Variants in ERC1 observed in about 807,000 individuals in gnomAD.
ERC1 encodes ELKS/RAB6-interacting/CAST family member 1.
Under a neutral mutation model 132.0 loss-of-function variants are expected in ERC1, and 56 were observed. That is an observed-to-expected ratio of 0.42 (90% confidence interval 0.34 to 0.53). The LOEUF (loss-of-function observed/expected upper bound fraction) is 0.53, where lower values mean the gene tolerates loss of function less well. Ranked by LOEUF, ERC1 falls within the 20% of genes least tolerant of loss-of-function variation. The pLI is 0.03. For missense variants in ERC1, 1,202 were observed against 1,349.9 expected (o/e 0.89, Z 1.72); for synonymous variants, 478 against 476.1 (o/e 1.00, Z -0.05).
At chr12:1,290,597 A>T (rs1366871798) in intron 15 of ERC1, among the ~76,000 whole-genome samples, 1 of 152,224 alleles carries the variant, frequency 6.6e-6, no homozygotes, top group African/African-American at 2.4e-5. Context: ...CTGCTAATAC[A>T]TAGTAGATGT....
At chr12:1,041,432 C>T (rs1208231388) in intron 2 of ERC1, among the ~76,000 whole-genome samples, 2 of 152,148 alleles carry the variant, frequency 1.3e-5, no homozygotes, top group South Asian at 2.1e-4. Context: ...GTCTGGAACT[C>T]CTGACCTCAG....
At chr12:1,410,911 TAAAA>T (rs113063057) in intron 17 of ERC1, among the ~76,000 whole-genome samples, 1 of 149,118 alleles carries the variant, frequency 6.7e-6, no homozygotes, top group Non-Finnish European at 1.5e-5. Context: ...ACATGGTGTT[TAAAA>T]AAAAAACTGT....
At chr12:1,464,476 T>C (rs2093702103) in intron 18 of ERC1, among the ~76,000 whole-genome samples, 1 of 150,984 alleles carries the variant, frequency 6.6e-6, no homozygotes, top group Admixed American at 6.6e-5. Context: ...TCAGTTCTCA[T>C]GTACCTTCAG....
At chr12:1,230,943 G>T (rs1594393935) in intron 12 of ERC1, among the ~76,000 whole-genome samples, 1 of 152,068 alleles carries the variant, frequency 6.6e-6, no homozygotes, top group Non-Finnish European at 1.5e-5. Context: ...TTTTCAGCCT[G>T]TGTGTGTCCT....
chr12:1,271,781 A>G lies in ERC1; in HGVS notation c.2619+8616A>G, dbSNP rs190999912. 2.6e-5 allele frequency among the ~76,000 whole-genome samples: 4 copies of G among 152,280 alleles called. No homozygotes were observed. The East Asian group carries it at 7.7e-4, about 29-fold the overall frequency. On this transcript the variant is annotated intron_variant, in intron 14 of 18. Transcript: ENST00000360905. ...CAACCCATTTCATATCTTTACACCA[A>G]TATTTCCTTGATATCTCAACCAGAA... is the stretch of plus-strand genomic sequence containing the variant.
At chr12:1,225,817 C>G (rs1328372753) in intron 12 of ERC1, among the ~76,000 whole-genome samples, 1 of 152,118 alleles carries the variant, frequency 6.6e-6, no homozygotes, top group Admixed American at 6.5e-5. Context: ...TTCACAAATG[C>G]AAGGTGAAAG....
intron 15 of ERC1, among the ~76,000 whole-genome samples, chr12:1,340,073 C>T (rs73038647): frequency 0.37 from 56,936 of 152,052 alleles, 10,908 homozygotes; most frequent in Middle Eastern, 0.41. Flanking sequence ...GCGTGGCCAG[C>T]GTGTGACCGT....
chr12:1,177,303 G>A (rs1953846791), intron 8 of ERC1, among the ~76,000 whole-genome samples: 1 of 152,218 alleles, frequency 6.6e-6, no homozygotes, highest in Admixed American at 6.5e-5. Flanking sequence ...CAGAGGCCTA[G>A]CTTTCAGCCT....
intron 14 of ERC1, among the ~76,000 whole-genome samples, chr12:1,272,219 T>C (rs888764381): frequency 7.9e-5 from 12 of 152,228 alleles, no homozygotes; most frequent in Admixed American, 1.3e-4. Context: ...TAACAGATTC[T>C]GACACGTGGT....
intron 12 of ERC1, among the ~76,000 whole-genome samples, chr12:1,201,710 G>A (rs1201552435): frequency 6.6e-6 from 1 of 152,064 alleles, no homozygotes. Context: ...CTTAAATTTT[G>A]AATTGATAGT....
At chr12:1,074,018 C>T (rs1940913236) in intron 2 of ERC1, among the ~76,000 whole-genome samples, 1 of 139,040 alleles carries the variant, frequency 7.2e-6, no homozygotes, top group African/African-American at 2.7e-5. Context: ...GCACGCACCA[C>T]TACACCCAGC....
At chr12:1,461,513 CA>C (rs2093644306) in intron 18 of ERC1, among the ~76,000 whole-genome samples, 1 of 151,946 alleles carries the variant, frequency 6.6e-6, no homozygotes, top group Non-Finnish European at 1.5e-5. Context: ...ACTAAAAGTA[CA>C]AAAATTAACC....
intron 18 of ERC1, among the ~76,000 whole-genome samples, chr12:1,472,782 A>G (rs139305512): frequency 1.8e-3 from 278 of 152,350 alleles, no homozygotes; most frequent in African/African-American, 6.1e-3. Flanking sequence ...CACTCAGTAA[A>G]TACTTAATGA....
intron 16 of ERC1, among the ~76,000 whole-genome samples, chr12:1,400,914 G>GTTTTTTTTTTTTTTTT (rs1566774897): frequency 1.8e-4 from 2 of 11,120 alleles, no homozygotes; most frequent in Non-Finnish European, 3.0e-4. Flanking sequence ...GGCTATTTTT[G>GTTTTTTTTTTTTTTTT]TATTTTTTTT....
At chr12:1,180,431 C>G (rs1231700376) in intron 8 of ERC1, 109 bp from the exon 9 acceptor site, 4 of 947,572 alleles carry the variant, frequency 4.2e-6, no homozygotes, top group Non-Finnish European at 6.3e-6. Context: ...AGAATGCACA[C>G]ACACAGACAA....
At chr12:1,479,050 A>G (rs958826789) in intron 18 of ERC1, among the ~76,000 whole-genome samples, 3 of 152,164 alleles carry the variant, frequency 2.0e-5, no homozygotes, top group African/African-American at 7.2e-5. Flanking sequence ...TAGCCCCACC[A>G]TTTATCAGAA....
intron 2 of ERC1, among the ~76,000 whole-genome samples, chr12:1,042,532 G>A (rs1261271968): frequency 6.6e-6 from 1 of 151,606 alleles, no homozygotes; most frequent in African/African-American, 2.4e-5. Flanking sequence ...TTTTAGTAGA[G>A]ACAGGGTTTC....
intron 13 of ERC1, among the ~76,000 whole-genome samples, chr12:1,260,554 C>CA (rs2077078279): frequency 6.6e-6 from 1 of 152,158 alleles, no homozygotes; most frequent in African/African-American, 2.4e-5. Context: ...AGTGGCTCAA[C>CA]ATTTTATTAA....
At chr12:1,180,045 A>G (rs998873305) in intron 8 of ERC1, among the ~76,000 whole-genome samples, 1 of 152,168 alleles carries the variant, frequency 6.6e-6, no homozygotes, top group African/African-American at 2.4e-5. Flanking sequence ...GCCTTTAAGA[A>G]CACAGTCTTT....
Sources: allele counts gnomAD v4.1 joint callset (sites outside exome capture counted in the v4.1 genomes callset), GRCh38; gene constraint gnomAD v4.1.1; transcripts MANE v1.5; gene names NCBI Gene and HGNC (gene_info 2026-07-23, HGNC 2026-07-21).